CYP1A2: variants seen among roughly 807,000 people sequenced by gnomAD.
CYP1A2 encodes the protein cytochrome P450 family 1 subfamily A member 2, also known as cytochrome P450 1A2.
In CYP1A2, 35 loss-of-function variants were observed where a neutral mutation model predicts 34.7. That is an observed-to-expected ratio of 1.01 (90% confidence interval 0.77 to 1.34). The LOEUF is 1.34. Ranked by LOEUF, CYP1A2 falls within the 40% of genes most tolerant of loss-of-function variation. The pLI, the probability that CYP1A2 is intolerant of heterozygous loss-of-function variation, is 0.00. For synonymous variants in CYP1A2, 288 were observed against 281.9 expected, an observed-to-expected ratio of 1.02 and a Z score of -0.22; for missense variants, 675 against 675.8, an observed-to-expected ratio of 1.00 and a Z score of 0.01.
intron 6 of CYP1A2, among the ~76,000 whole-genome samples, chr15:74,754,590 G>A (rs556760244): frequency 4.0e-5 from 6 of 151,150 alleles, no homozygotes; most frequent in South Asian, 2.1e-4. Context: ...GATAGGAGCC[G>A]GAGGGTGTCT....
At chr15:74,749,406 G>A (rs1379681820) in intron 1 of CYP1A2, among the ~76,000 whole-genome samples, 4 of 152,190 alleles carry the variant, frequency 2.6e-5, no homozygotes, top group Admixed American at 6.5e-5. Context: ...GCTGACAAGG[G>A]TGCTGTCCTT....
At chr15:74,749,706 T>C in intron 1 of CYP1A2, 24 bp from the exon 2 acceptor site, 1 of 1,492,710 alleles carries the variant, frequency 6.7e-7, no homozygotes, top group Non-Finnish European at 9.0e-7. Context: ...ACCCTCAGCC[T>C]GGTCCCTCCT....
At position 74,755,071 on chromosome 15, in the gene CYP1A2, C is replaced by T. The variant is rs770266566; in HGVS notation, c.1534C>T (p.Arg512Cys). The part of the protein sequence containing the change: ...ARCEHVQARL[R>C]FSIN ...CTGTGAACATGTCCAGGCGCGGCTGCGCTTCTCCATCAATTGAAGAAGACA... is the reference window on the plus strand; with the variant it reads ...CTGTGAACATGTCCAGGCGCGGCTGTGCTTCTCCATCAATTGAAGAAGACA... Residue 512 changes from arginine (R) to cysteine (C), a missense_variant, in exon 7 of 7, where the codon CGC (arginine) becomes TGC (cysteine). By Grantham distance (180) the Arg-to-Cys change is radical. Transcript: ENST00000343932. 8.1e-6 allele frequency: 13 copies of T among 1,608,188 alleles called. No individual in the cohort carries two copies. Among genetic ancestry groups the T allele is most frequent in the Admixed American group, 6.7e-5 (4 of 59,988 alleles).
In CYP1A2 at chr15:74,755,030, C is replaced by A. The variant is rs780006160; in HGVS notation, c.1493C>A (p.Thr498Asn). Residue 498 changes from threonine to asparagine, a missense_variant, in exon 7 of 7, where the codon ACC becomes AAC. Coordinates refer to ENST00000343932, the MANE Select transcript of CYP1A2 (RefSeq NM_000761.5). ...GACCTGACCCCCATCTACGGGCTGACCATGAAGCACGCCCGCTGTGAACAT... is the reference window on the plus strand; with the variant it reads ...GACCTGACCCCCATCTACGGGCTGAACATGAAGCACGCCCGCTGTGAACAT... ...KVDLTPIYGL[T>N]MKHARCEHVQ... 8.7e-6 allele frequency: 14 copies of A among 1,614,050 alleles called. No homozygotes were observed. The African/African-American group carries it at 1.9e-4, about 22-fold the overall frequency.
Position 74,752,253 on chromosome 15 carries a change from G to T in CYP1A2, c.1166+6G>T, listed in dbSNP as rs776132079. The T allele has an allele frequency of 3.7e-6, 6 of 1,613,370 alleles. No individual in the cohort carries two copies. The African/African-American group carries it at 5.3e-5, about 14-fold the overall frequency. On this transcript the variant is annotated splice_donor_region_variant and intron_variant, in intron 5 of 6. Coordinates refer to ENST00000343932, the MANE Select transcript of CYP1A2 (RefSeq NM_000761.5). The stretch of plus-strand genomic sequence containing the variant: ...CCCTTCACCATCCCCCACAGGTGAG[G>T]CCTGCCGGTTCTGCCCTCCCACCTC...
Position 74,753,246 on chromosome 15 carries a change from A to T in CYP1A2, c.1229A>T (p.Asn410Ile). Residue 410 changes from asparagine to isoleucine, a missense_variant, in exon 6 of 7, where the codon AAC becomes ATC. Asn to Ile is a moderately radical substitution (Grantham distance 149). Coordinates refer to ENST00000343932, the MANE Select transcript of CYP1A2 (RefSeq NM_000761.5). The stretch of plus-strand genomic sequence containing the variant: ...CCCAAGAAATGCTGTGTCTTCGTAA[A>T]CCAGTGGCAGGTCAACCATGACCCG... Reference protein sequence around the residue: ...YIPKKCCVFVNQWQVNHDPEL... With the variant: ...YIPKKCCVFVIQWQVNHDPEL... 1 of 1,613,872 alleles carries T rather than the reference A, an allele frequency of 6.2e-7. No homozygotes were observed. The highest frequency in any genetic ancestry group is 8.5e-7 in the Non-Finnish European group (1 of 1,179,870).
At chr15:74,753,606 C>T (rs371253031) in intron 6 of CYP1A2, among the ~76,000 whole-genome samples, 52 of 151,944 alleles carry the variant, frequency 3.4e-4, no homozygotes, top group South Asian at 1.2e-3. Flanking sequence ...CATGGTGGTG[C>T]GCCTATAATC....
In CYP1A2 at chr15:74,750,565, A is replaced by G; in HGVS notation, c.827A>G (p.Asp276Gly). ...KTVQEHYQDFDKNSVRDITGA... is the reference protein window; with the variant it reads ...KTVQEHYQDFGKNSVRDITGA... ...GTCCAGGAGCACTATCAGGACTTTG[A>G]CAAGGTGAGCCCGGGGTGCAGGTGG... Residue 276 changes from aspartate (D) to glycine (G), a missense_variant, in exon 2 of 7, where the codon GAC becomes GGC. Asp to Gly is a moderately conservative substitution (Grantham distance 94). Transcript: ENST00000343932. 4 of 1,612,450 alleles carry G rather than the reference A, an allele frequency of 2.5e-6. No homozygotes were observed. Among genetic ancestry groups the G allele is most frequent in the Non-Finnish European group, 3.4e-6 (4 of 1,178,768 alleles).
chr15:74,752,129 G>C lies in CYP1A2; in HGVS notation c.1048G>C (p.Val350Leu). 2 of 1,613,990 alleles carry C rather than the reference G, an allele frequency of 1.2e-6. No individual in the cohort carries two copies. The highest frequency in any genetic ancestry group is 1.7e-6 in the Non-Finnish European group (2 of 1,179,948). Residue 350 changes from valine (V) to leucine (L), a missense_variant, in exon 5 of 7, where the codon GTG becomes CTG. By Grantham distance (32) the Val-to-Leu change is conservative. Coordinates refer to ENST00000343932, the MANE Select transcript of CYP1A2 (RefSeq NM_000761.5). ...QRKIQKELDT[V>L]IGRERRPRLS... Reference sequence around the variant, plus strand: ...TTGTCCTCTGTGTTCTACAGACACTGTGATTGGCAGGGAGCGGCGGCCCCG... The same window carrying C: ...TTGTCCTCTGTGTTCTACAGACACTCTGATTGGCAGGGAGCGGCGGCCCCG...
chr15:74,753,856 T>A (rs1264083312), intron 6 of CYP1A2, among the ~76,000 whole-genome samples: 3 of 152,136 alleles, frequency 2.0e-5, no homozygotes, highest in Non-Finnish European at 2.9e-5. Context: ...CAGAGACCTC[T>A]CTTTGGAAAG....
Position 74,751,772 on chromosome 15 carries a change from C to T in CYP1A2, c.960C>T (p.Asp320=), listed in dbSNP as rs772026139. The change falls in exon 4 of 7, where the codon GAC becomes GAT. Residue 320 remains aspartate (D), a synonymous_variant. Transcript: ENST00000343932. Reference sequence around the variant, plus strand: ...TTACACTACACGGTTCAGGATTTGACACAGTCACCACAGCCATCTCCTGGA... The same window carrying T: ...TTACACTACACGGTTCAGGATTTGATACAGTCACCACAGCCATCTCCTGGA... ...LVNDIFGAGF[D]TVTTAISWSL... The T allele has an allele frequency of 3.1e-6, 5 of 1,613,824 alleles. No homozygotes were observed. The highest frequency in any genetic ancestry group is 4.2e-6 in the Non-Finnish European group (5 of 1,179,936).
Position 74,749,710 on chromosome 15 carries a change from C to G in CYP1A2, c.-9-20C>G. 6.7e-7 allele frequency: 1 copy of G among 1,496,244 alleles called. No homozygotes were observed. The highest frequency in any genetic ancestry group is 1.4e-5 in the South Asian group (1 of 73,576). The allele number at this position is 1,496,244 out of a possible 1,614,324, so 92.7% of individuals were successfully genotyped here. ...TCTCCATCTCAACCCTCAGCCTGGT[C>G]CCTCCTTTTTTCCCTGCAGTTGGTA... On this transcript the variant is annotated intron_variant, in intron 1 of 6. Transcript: ENST00000343932.
chr15:74,756,564 T>A lies in CYP1A2; in HGVS notation c.*1476T>A, dbSNP rs2063338962. Among the ~76,000 whole-genome samples the A allele has an allele frequency of 1.3e-5, 2 of 152,206 alleles. No individual in the cohort carries two copies. Among genetic ancestry groups the A allele is most frequent in the Non-Finnish European group, 2.9e-5 (2 of 68,044 alleles). ...TACTTTCTGTGTCTATGGATTTGCC[T>A]TCTCTAAACATTTCATATAAATGGA... On this transcript the variant is annotated 3_prime_UTR_variant, in exon 7 of 7. Coordinates refer to ENST00000343932, the MANE Select transcript of CYP1A2 (RefSeq NM_000761.5).
At chr15:74,752,075 G>A in intron 4 of CYP1A2, 49 bp from the exon 5 acceptor site, 1 of 1,608,912 alleles carries the variant, frequency 6.2e-7, no homozygotes, top group Admixed American at 1.7e-5. Context: ...ATAATTCATG[G>A]GGCAGTTAGG....
At chr15:74,754,675 C>T in intron 6 of CYP1A2, 116 bp from the exon 7 acceptor site, 2 of 946,808 alleles carry the variant, frequency 2.1e-6, no homozygotes, top group Non-Finnish European at 3.2e-6. Flanking sequence ...ACCTACCCTT[C>T]ATTGCTTTCA....
At position 74,755,285 on chromosome 15, in the gene CYP1A2, T is replaced by G. The variant is rs1268737782; in HGVS notation, c.*197T>G. ...TTGGAAAGCAGCCTGGCCAACATAG[T>G]GGGACCCTGTCTCTACAAAAAAAAA... On this transcript the variant is annotated 3_prime_UTR_variant, in exon 7 of 7. Coordinates refer to ENST00000343932, the MANE Select transcript of CYP1A2 (RefSeq NM_000761.5). 7 of 591,132 alleles carry G rather than the reference T, an allele frequency of 1.2e-5. No individual in the cohort carries two copies. Among genetic ancestry groups the G allele is most frequent in the African/African-American group, 7.7e-5 (4 of 51,844 alleles). 36.6% of individuals were successfully genotyped at this position (591,132 alleles called of 1,614,324 possible).
chr15:74,750,183 A>T lies in CYP1A2; in HGVS notation c.445A>T (p.Ile149Phe). 1 of 1,614,082 alleles carries T rather than the reference A, an allele frequency of 6.2e-7. No homozygotes were observed. The highest frequency in any genetic ancestry group is 1.1e-5 in the South Asian group (1 of 91,086). ...LAQNALNTFS[I>F]ASDPASSSSC... The stretch of plus-strand genomic sequence containing the variant: ...CCAGAATGCCCTCAACACCTTCTCC[A>T]TCGCCTCTGACCCAGCTTCCTCATC... The change falls in exon 2 of 7, where the codon ATC becomes TTC. Residue 149 changes from isoleucine to phenylalanine, a missense_variant. Ile to Phe is a conservative substitution (Grantham distance 21). Coordinates refer to ENST00000343932, the MANE Select transcript of CYP1A2 (RefSeq NM_000761.5).
intron 6 of CYP1A2, among the ~76,000 whole-genome samples, chr15:74,754,220 A>G (rs2063328329): frequency 6.6e-6 from 1 of 151,964 alleles, no homozygotes; most frequent in Non-Finnish European, 1.5e-5. Context: ...TCTTCTTTTA[A>G]TTTCTTTTAG....
chr15:74,751,025 G>A (rs554423899), intron 2 of CYP1A2, among the ~76,000 whole-genome samples, 164 bp from the exon 3 acceptor site: 1 of 152,280 alleles, frequency 6.6e-6, no homozygotes, highest in East Asian at 1.9e-4. Flanking sequence ...GCCATACCCA[G>A]GGCTGCTACC....
Sources: allele counts gnomAD v4.1 joint callset (sites outside exome capture counted in the v4.1 genomes callset), GRCh38; gene constraint gnomAD v4.1.1; transcripts MANE v1.5; gene names NCBI Gene and HGNC (gene_info 2026-07-23, HGNC 2026-07-21).